NLRP4: variants seen among roughly 807,000 people sequenced by gnomAD.
NLRP4 encodes NACHT, LRR and PYD domains-containing protein 4.
NLRP4 carries 44 observed loss-of-function variants against 84.7 expected under a neutral mutation model. The ratio of observed to expected loss-of-function variants is 0.52; its 90% CI spans 0.41 to 0.67. The LOEUF is 0.67. Among genes scored for constraint, NLRP4 ranks in the 30% least tolerant of loss-of-function variants. The pLI, the probability that NLRP4 is intolerant of heterozygous loss-of-function variation, is 0.00. For missense variants in NLRP4, 1,260 were observed against 1,219.4 expected, an observed-to-expected ratio of 1.03 and a Z score of -0.50; for synonymous variants, 544 against 476.4, an observed-to-expected ratio of 1.14 and a Z score of -1.85.
chr19:55,839,997 C>T (rs572793243), intron 1 of NLRP4, among the ~76,000 whole-genome samples: 21 of 152,146 alleles, frequency 1.4e-4, no homozygotes, highest in African/African-American at 5.1e-4. Context: ...TTGGAATGTC[C>T]TTCATTTCAT....
rs1178097024 is a variant in NLRP4, at chr19:55,836,874, A to AT, written c.-124dup. On this transcript the variant is annotated 5_prime_UTR_variant, in exon 1 of 10. The change creates a premature stop within an existing upstream ORF in the 5' untranslated region. Transcript: ENST00000301295. ...TCGAGGGTGGGAATGTTCTTATTAG[A>AT]TTCTTCATCTCTGTTGACACAAACA... is the stretch of plus-strand genomic sequence containing the variant. 1 of 151,714 alleles carries AT rather than the reference A, an allele frequency of 6.6e-6. No individual in the cohort carries two copies. Among genetic ancestry groups the AT allele is most frequent in the Admixed American group, 6.6e-5 (1 of 15,220 alleles). The allele number at this position is 151,714 out of a possible 1,614,324, so 9.4% of individuals were successfully genotyped here.
chr19:55,845,965 C>T (rs1007872452), intron 1 of NLRP4, among the ~76,000 whole-genome samples: 10 of 151,896 alleles, frequency 6.6e-5, no homozygotes, highest in East Asian at 1.9e-4. Context: ...TTCTCCCATT[C>T]TGTAGGTTGC....
In NLRP4 at chr19:55,858,191, G is replaced by A. The variant is rs367628409; in HGVS notation, c.798G>A (p.Arg266=). ...AGGTGCTTCTGAGCAGTTTGCTGAG[G>A]AAGAAGATGCTCCCGGAGGCCTCCC... ...PVQVLLSSLL[R]KKMLPEASLL... is the part of the protein sequence containing the mutation. Residue 266 remains arginine, a synonymous_variant, in exon 3 of 10, where the codon AGG becomes AGA. Transcript: ENST00000301295. This position sits in a 1 kb window ranked among gnomAD's most constrained non-coding sequence, Gnocchi z 4.2. 7 of 1,614,028 alleles carry A rather than the reference G, an allele frequency of 4.3e-6. No homozygotes were observed. The African/African-American group carries it at 5.3e-5, about 12-fold the overall frequency.
rs186717764 is a variant in NLRP4 at position 55,872,580 on chromosome 19, G to T, written c.2525+1583G>T. Among the ~76,000 whole-genome samples the T allele has an allele frequency of 1.7e-3, 257 of 152,210 alleles. 4 individuals are homozygous for T. The East Asian group carries it at 0.023, about 13-fold the overall frequency. On this transcript the variant is annotated intron_variant, in intron 7 of 9. Transcript: ENST00000301295. ...TTATAAATATAATAACTGACTATAT[G>T]GGGTGAATAGTAGATTAGACATAAT...
intron 9 of NLRP4, among the ~76,000 whole-genome samples, chr19:55,879,949 A>G (rs2123074739): frequency 6.6e-6 from 1 of 151,902 alleles, no homozygotes; most frequent in African/African-American, 2.4e-5. Flanking sequence ...CATAATTTAT[A>G]TTTTAATTTG....
chr19:55,881,751 T>A lies in NLRP4; in HGVS notation c.*164T>A, dbSNP rs199475755. Reference sequence around the variant, plus strand: ...TGATATGATACACGTGGTTTTTATGTGCTCTGTGGCCTTGGATGAGTCACT... The same window carrying A: ...TGATATGATACACGTGGTTTTTATGAGCTCTGTGGCCTTGGATGAGTCACT... On this transcript the variant is annotated 3_prime_UTR_variant, in exon 10 of 10. Coordinates refer to ENST00000301295, the MANE Select transcript of NLRP4 (RefSeq NM_134444.5). The A allele has an allele frequency of 2.1e-6, 1 of 468,114 alleles. No individual in the cohort carries two copies. The highest frequency in any genetic ancestry group is 3.8e-6 in the Non-Finnish European group (1 of 263,248). 29.0% of individuals were successfully genotyped at this position (468,114 alleles called of 1,614,324 possible).
In NLRP4 at chr19:55,878,839, G is replaced by C. The variant is rs772255842; in HGVS notation, c.2742G>C (p.Ala914=). 7 of 1,613,704 alleles carry C rather than the reference G, an allele frequency of 4.3e-6. No individual in the cohort carries two copies. The highest frequency in any genetic ancestry group is 3.3e-5 in the Admixed American group (2 of 59,966). The change falls in exon 9 of 10, where the codon GCG becomes GCC. Residue 914 remains alanine, a synonymous_variant. Coordinates refer to ENST00000301295, the MANE Select transcript of NLRP4 (RefSeq NM_134444.5). ...GLTSTCCKDL[A]SVLTCSKTLQ... ...CGAGCACCTGCTGTAAGGATCTCGC[G>C]TCTGTTCTCACCTGCAGTAAGACCC...
intron 1 of NLRP4, among the ~76,000 whole-genome samples, chr19:55,841,985 T>G (rs1983629900): frequency 6.6e-6 from 1 of 152,238 alleles, no homozygotes; most frequent in South Asian, 2.1e-4. Flanking sequence ...GTAGGTTCTA[T>G]TCTTAATTGT....
chr19:55,855,502 A>G (rs1247685347), intron 2 of NLRP4, among the ~76,000 whole-genome samples: 1 of 152,182 alleles, frequency 6.6e-6, no homozygotes, highest in African/African-American at 2.4e-5. Flanking sequence ...GTCAGATGGC[A>G]TTTTCACCAG....
intron 5 of NLRP4, among the ~76,000 whole-genome samples, chr19:55,865,443 T>C (rs1015440503): frequency 3.9e-5 from 6 of 152,218 alleles, no homozygotes; most frequent in African/African-American, 1.2e-4. Context: ...CAGGTGTCTT[T>C]ATAGTACAAT....
intron 1 of NLRP4, among the ~76,000 whole-genome samples, chr19:55,851,072 A>AGGCTGCGGTGTAATGTCCGT (rs1568659567): frequency 2.3e-4 from 20 of 88,100 alleles, no homozygotes; most frequent in Non-Finnish European, 3.4e-4. Flanking sequence ...GTAATGTCCG[A>AGGCTGCGGTGTAATGTCCGT]GGCTGCGGTG....
chr19:55,841,376 A>G (rs1983606985), intron 1 of NLRP4, among the ~76,000 whole-genome samples: 1 of 152,190 alleles, frequency 6.6e-6, no homozygotes, highest in Non-Finnish European at 1.5e-5. Context: ...AAATGAGATC[A>G]TATGGTAGTT....
chr19:55,877,126 C>T lies in NLRP4; in HGVS notation c.2656C>T (p.Arg886Trp), dbSNP rs147716168. ...IGDVGVQLLC[R>W]ALTHTDCRLE... The stretch of plus-strand genomic sequence containing the variant: ...AGATGTGGGTGTGCAGCTGTTGTGT[C>T]GGGCTCTGACGCATACGGATTGCCG... Residue 886 changes from arginine to tryptophan, a missense_variant, in exon 8 of 10, where the codon CGG (arginine) becomes TGG (tryptophan). By Grantham distance (101) the Arg-to-Trp change is moderately radical. Coordinates refer to ENST00000301295, the MANE Select transcript of NLRP4 (RefSeq NM_134444.5). The T allele has an allele frequency of 4.4e-5, 71 of 1,613,968 alleles. No homozygotes were observed. The highest frequency in any genetic ancestry group is 6.7e-5 in the Admixed American group (4 of 59,998).
chr19:55,837,689 G>T (rs532302084), intron 1 of NLRP4, among the ~76,000 whole-genome samples: 1 of 152,014 alleles, frequency 6.6e-6, no homozygotes, highest in Admixed American at 6.6e-5. Context: ...TTAAGGCGAG[G>T]TCATACTGGA....
chr19:55,853,761 TTCTCTC>T (rs532484414), intron 2 of NLRP4, among the ~76,000 whole-genome samples: 45 of 130,434 alleles, frequency 3.5e-4, no homozygotes, highest in African/African-American at 1.2e-3. Context: ...CTCTTTCTCT[TTCTCTC>T]TCTCTCTCTC....
intron 3 of NLRP4, among the ~76,000 whole-genome samples, chr19:55,860,665 G>A (rs1283425225): frequency 6.6e-6 from 1 of 152,176 alleles, no homozygotes; most frequent in Non-Finnish European, 1.5e-5. Context: ...CAAGTGAGCT[G>A]GATCCTATCC....
Position 55,858,625 on chromosome 19 carries a change from C to T in NLRP4, c.1232C>T (p.Thr411Ile). 6.2e-7 allele frequency: 1 copy of T among 1,614,184 alleles called. No individual in the cohort carries two copies. Among genetic ancestry groups the T allele is most frequent in the Non-Finnish European group, 8.5e-7 (1 of 1,180,032 alleles). Residue 411 changes from threonine to isoleucine, a missense_variant, in exon 3 of 10, where the codon ACA becomes ATA. Transcript: ENST00000301295. This position sits in a 1 kb window ranked among gnomAD's most constrained non-coding sequence, Gnocchi z 4.2. Reference sequence around the variant, plus strand: ...GCTGCAGAGGGTATGTGGACAGACACATTTGAGTTTTGTGAAGACGACCTC... The same window carrying T: ...GCTGCAGAGGGTATGTGGACAGACATATTTGAGTTTTGTGAAGACGACCTC... Reference protein sequence around the residue: ...SLAAEGMWTDTFEFCEDDLRR... With the variant: ...SLAAEGMWTDIFEFCEDDLRR...
intron 1 of NLRP4, among the ~76,000 whole-genome samples, chr19:55,850,171 GTGGCTGCGGTGT>G (rs1984017027): frequency 8.2e-5 from 11 of 134,860 alleles, no homozygotes; most frequent in Non-Finnish European, 1.4e-4. Context: ...TGTAATTTCC[GTGGCTGCGGTGT>G]AATTTCCGTG....
In NLRP4 at chr19:55,856,580, A is replaced by G. The variant is rs535903755; in HGVS notation, c.281-1094A>G. 3.4e-3 allele frequency among the ~76,000 whole-genome samples: 449 copies of G among 133,892 alleles called. 2 individuals are homozygous for G. Among genetic ancestry groups the G allele is most frequent in the African/African-American group, 0.012 (417 of 34,288 alleles). 87.8% of individuals were successfully genotyped at this position (133,892 alleles called of 152,430 possible). On this transcript the variant is annotated intron_variant, in intron 2 of 9. Transcript: ENST00000301295. ...GCCCACGTTAGAGTACAGCAGTGCC[A>G]TCTCAGCTCACTGCAACCTCTGCCT...
Sources: gnomAD v4.1 joint callset for allele counts (sites outside exome capture counted in the v4.1 genomes callset) on GRCh38, gnomAD v4.1.1 for gene constraint, Gnocchi (gnomAD v3.1) non-coding constraint, MANE v1.5 for transcripts, NCBI Gene and HGNC (gene_info 2026-07-23, HGNC 2026-07-21) for gene names.